Variants in USP9X observed in about 807,000 individuals in gnomAD.
USP9X encodes the protein ubiquitin specific peptidase 9 X-linked.
In USP9X, 7 loss-of-function variants were observed where a neutral mutation model predicts 190.3. The ratio of observed to expected loss-of-function variants is 0.04; its 90% CI spans 0.02 to 0.07. The LOEUF is 0.07. Among genes scored for constraint, USP9X ranks in the 10% least tolerant of loss-of-function variants. USP9X has a pLI of 1.00. For missense variants in USP9X, 1,010 were observed against 1,916.9 expected, an observed-to-expected ratio of 0.53 and a Z score of 8.83; for synonymous variants, 645 against 659.5, an observed-to-expected ratio of 0.98 and a Z score of 0.34.
rs748348083 is a variant in USP9X, at chrX:41,125,643, A to AACACACACACAC, written c.96+1950_96+1961dup. On this transcript the variant is annotated intron_variant, in intron 2 of 44. Transcript: ENST00000378308. The stretch of plus-strand genomic sequence containing the variant: ...TCCCTCCCCCCACACCCCTCCCGCC[A>AACACACACACAC]ACACACACACACACACACACACACA... Among the ~76,000 whole-genome samples the AACACACACACAC allele has an allele frequency of 2.3e-3, 65 of 27,689 alleles. 1 individual carries two copies. The highest frequency in any genetic ancestry group is 2.8e-3 in the South Asian group (1 of 356). 24.0% of individuals were successfully genotyped at this position (27,689 alleles called of 115,157 possible).
chrX:41,107,032 G>A (rs1000787164), intron 1 of USP9X, among the ~76,000 whole-genome samples: 10 of 108,251 alleles, frequency 9.2e-5, no homozygotes, highest in Non-Finnish European at 1.9e-4. Context: ...GATTACAGGC[G>A]CCCGCCACCA....
intron 1 of USP9X, among the ~76,000 whole-genome samples, chrX:41,120,216 G>A (rs2062179618): frequency 9.0e-6 from 1 of 111,341 alleles, no homozygotes; most frequent in Non-Finnish European, 1.9e-5. Flanking sequence ...CCCTGGGTTG[G>A]AATCCCATTT....
chrX:41,126,213 G>A (rs2062249781), intron 2 of USP9X, among the ~76,000 whole-genome samples: 1 of 111,577 alleles, frequency 9.0e-6, no homozygotes, highest in South Asian at 3.7e-4. Flanking sequence ...CCAAATAAAT[G>A]TGTCAGTTTT....
chrX:41,214,676 A>G lies in USP9X; in HGVS notation c.5298A>G (p.Ala1766=). ...QYVKGDLLEG[A]NAYHCEKCNK... ...TCAAAGGAGATTTACTAGAAGGTGCAAATGCATATCATTGTGAAAAATGCA... is the reference window on the plus strand; with the variant it reads ...TCAAAGGAGATTTACTAGAAGGTGCGAATGCATATCATTGTGAAAAATGCA... Residue 1766 remains alanine, a synonymous_variant, in exon 34 of 45, where the codon GCA becomes GCG. Transcript: ENST00000378308. The G allele has an allele frequency of 8.3e-7, 1 of 1,198,091 alleles. No homozygotes were observed. Among genetic ancestry groups the G allele is most frequent in the Non-Finnish European group, 1.1e-6 (1 of 891,299 alleles).
intron 14 of USP9X, among the ~76,000 whole-genome samples, chrX:41,156,381 G>A (rs1279228319): frequency 8.9e-6 from 1 of 111,930 alleles, no homozygotes; most frequent in Non-Finnish European, 1.9e-5. Flanking sequence ...ATGAGGTGGT[G>A]TGGGCTACTG....
intron 24 of USP9X, among the ~76,000 whole-genome samples, 200 bp downstream of exon 24, chrX:41,186,842 T>C (rs2062881705): frequency 9.1e-6 from 1 of 109,866 alleles, no homozygotes; most frequent in Non-Finnish European, 1.9e-5. Context: ...TTTTTTTTTT[T>C]TTGAGACGGA....
At chrX:41,163,192 A>C (rs1217136623) in intron 15 of USP9X, among the ~76,000 whole-genome samples, 3 of 111,464 alleles carry the variant, frequency 2.7e-5, no homozygotes, top group African/African-American at 9.8e-5. Flanking sequence ...GACTATACTG[A>C]CTTAATGATA....
At chrX:41,140,914 T>C (rs781567973) in intron 7 of USP9X, 52 bp from the exon 8 acceptor site, 60 of 1,126,779 alleles carry the variant, frequency 5.3e-5, no homozygotes, top group Non-Finnish European at 6.8e-5. Flanking sequence ...AGTCCTAAAT[T>C]GATTTTAAGA....
chrX:41,105,921 C>T (rs2062065536), intron 1 of USP9X, among the ~76,000 whole-genome samples: 1 of 111,814 alleles, frequency 8.9e-6, no homozygotes, highest in Admixed American at 9.5e-5. Flanking sequence ...GCTTATTGAC[C>T]ATTTGTATGT....
intron 26 of USP9X, among the ~76,000 whole-genome samples, chrX:41,192,005 A>T (rs986949753): frequency 9.0e-6 from 1 of 111,081 alleles, no homozygotes; most frequent in Non-Finnish European, 1.9e-5. Flanking sequence ...TTTCCTCCTC[A>T]TGGTCTACCC....
At chrX:41,212,390 C>T (rs2063172839) in intron 33 of USP9X, among the ~76,000 whole-genome samples, 1 of 101,683 alleles carries the variant, frequency 9.8e-6, no homozygotes, top group Admixed American at 1.1e-4. Flanking sequence ...ATCTGCTGAC[C>T]TTCCCTCCAC....
intron 14 of USP9X, among the ~76,000 whole-genome samples, chrX:41,157,507 G>C (rs2147092553): frequency 9.0e-6 from 1 of 111,112 alleles, no homozygotes; most frequent in African/African-American, 3.3e-5. Context: ...CATGGGGGCA[G>C]AGCTGTCGGA....
At chrX:41,230,456 T>A in intron 43 of USP9X, 45 bp from the exon 44 acceptor site, 2 of 1,116,507 alleles carry the variant, frequency 1.8e-6, no homozygotes, top group Non-Finnish European at 2.5e-6. Context: ...AAAGTAAACT[T>A]GAGTTTGCCT....
At chrX:41,120,499 A>G (rs1429326398) in intron 1 of USP9X, among the ~76,000 whole-genome samples, 1 of 111,217 alleles carries the variant, frequency 9.0e-6, no homozygotes, top group East Asian at 2.8e-4. Flanking sequence ...AGAGGAGGAC[A>G]TATCTTTTTT....
intron 14 of USP9X, among the ~76,000 whole-genome samples, chrX:41,158,347 C>T (rs2062597574): frequency 9.0e-6 from 1 of 111,358 alleles, no homozygotes; most frequent in South Asian, 3.8e-4. Flanking sequence ...AACGAGTCTT[C>T]CTGCACAAGG....
intron 32 of USP9X, among the ~76,000 whole-genome samples, chrX:41,209,716 C>T (rs889143287): frequency 5.4e-5 from 6 of 112,000 alleles, no homozygotes; most frequent in African/African-American, 1.9e-4. Flanking sequence ...TTTAAACTTA[C>T]TGTATACAAA....
At chrX:41,114,949 G>A (rs181987202) in intron 1 of USP9X, among the ~76,000 whole-genome samples, 28 of 110,497 alleles carry the variant, frequency 2.5e-4, no homozygotes, top group African/African-American at 8.9e-4. Context: ...TGGGCCGGGC[G>A]CAGTGGCTTA....
chrX:41,144,718 A>G (rs1374117493), intron 11 of USP9X, 92 bp downstream of exon 11: 1 of 722,635 alleles, frequency 1.4e-6, no homozygotes, highest in Non-Finnish European at 2.1e-6. Flanking sequence ...TAAATACTTA[A>G]ATAGAAATCC....
rs183244080 is a variant in USP9X at position 41,208,624 on chromosome X, A to C, written c.5016-1885A>C. 2.9e-4 allele frequency among the ~76,000 whole-genome samples: 33 copies of C among 112,155 alleles called. 1 individual carries two copies. Among genetic ancestry groups the C allele is most frequent in the African/African-American group, 1.0e-3 (31 of 30,918 alleles). On this transcript the variant is annotated intron_variant, in intron 32 of 44. Coordinates refer to ENST00000378308, the MANE Select transcript of USP9X (RefSeq NM_001039591.3). The stretch of plus-strand genomic sequence containing the variant: ...TATTCTTTATGCGGTTTTACTAATT[A>C]ACATTTTGCCATATTTGCTTATCTT...
Sources: gnomAD v4.1 joint callset for allele counts (sites outside exome capture counted in the v4.1 genomes callset) on GRCh38, gnomAD v4.1.1 for gene constraint, MANE v1.5 for transcripts, NCBI Gene and HGNC (gene_info 2026-07-23, HGNC 2026-07-21) for gene names.